Variants in WDFY4 observed in about 807,000 individuals in gnomAD.
WDFY4 encodes WDFY family member 4.
Under a neutral mutation model 351.9 loss-of-function variants are expected in WDFY4, and 169 were observed. The observed-to-expected ratio is 0.48, with a 90% CI of 0.42 to 0.55. The LOEUF is 0.55. Among genes scored for constraint, WDFY4 ranks in the 20% least tolerant of loss-of-function variants. The pLI is 0.00. For synonymous variants in WDFY4, 1,622 were observed against 1,574.6 expected (o/e 1.03, Z -0.71); for missense variants, 3,803 against 3,935.6 (o/e 0.97, Z 0.90).
intron 1 of WDFY4, among the ~76,000 whole-genome samples, chr10:48,704,718 C>T (rs2063576516): frequency 6.6e-6 from 1 of 152,180 alleles, no homozygotes; most frequent in Non-Finnish European, 1.5e-5. Flanking sequence ...GGGCTGTCCA[C>T]AGACCTGGGG....
Position 48,921,958 on chromosome 10 carries a change from C to T in WDFY4, c.7587-19848C>T, listed in dbSNP as rs1038969367. On this transcript the variant is annotated intron_variant, in intron 47 of 61. Coordinates refer to ENST00000325239, the MANE Select transcript of WDFY4 (RefSeq NM_001394531.1). ...GTTATTATATCATCTGGCATTTTCC[C>T]AACTAAGTATTTACCCTAGAAAAGT... Among the ~76,000 whole-genome samples the T allele has an allele frequency of 3.3e-5, 5 of 152,132 alleles. No individual in the cohort carries two copies. The South Asian group carries it at 8.3e-4, about 25-fold the overall frequency.
chr10:48,720,048 G>A lies in WDFY4; in HGVS notation c.272G>A (p.Ser91Asn), dbSNP rs762028566. The A allele has an allele frequency of 1.7e-5, 26 of 1,551,644 alleles. No individual in the cohort carries two copies. The South Asian group carries it at 2.6e-4, about 16-fold the overall frequency. Reference sequence around the variant, plus strand: ...TCCGTGGGGATCATCTGCTTTCCCAGTCTCCAAAGGCTGGCTGAAGACGTG... The same window carrying A: ...TCCGTGGGGATCATCTGCTTTCCCAATCTCCAAAGGCTGGCTGAAGACGTG... The part of the protein sequence containing the change: ...EHSVGIICFP[S>N]LQRLAEDVSD... Residue 91 changes from serine to asparagine, a missense_variant, in exon 3 of 62, where the codon AGT becomes AAT. By Grantham distance (46) the Ser-to-Asn change is conservative. Coordinates refer to ENST00000325239, the MANE Select transcript of WDFY4 (RefSeq NM_001394531.1).
At chr10:48,845,575 C>A (rs1283879132) in intron 39 of WDFY4, among the ~76,000 whole-genome samples, 1 of 152,114 alleles carries the variant, frequency 6.6e-6, no homozygotes, top group African/African-American at 2.4e-5. Flanking sequence ...TGAGGAAGAG[C>A]CCCCTCCAGA....
chr10:48,969,384 C>A (rs1017268393), intron 56 of WDFY4, 136 bp downstream of exon 56: 3 of 1,105,126 alleles, frequency 2.7e-6, no homozygotes, highest in African/African-American at 1.6e-5. Context: ...CCAGCCTGGG[C>A]GGGAAAGGAC....
At chr10:48,733,180 C>T (rs1189522538) in intron 9 of WDFY4, among the ~76,000 whole-genome samples, 1 of 152,162 alleles carries the variant, frequency 6.6e-6, no homozygotes, top group Non-Finnish European at 1.5e-5. Flanking sequence ...ATGACCACTC[C>T]TAGGAGAAAT....
intron 15 of WDFY4, 63 bp from the exon 16 acceptor site, chr10:48,776,687 G>T: frequency 7.1e-7 from 1 of 1,405,240 alleles, no homozygotes; most frequent in Non-Finnish European, 9.4e-7. Context: ...TGGGGTTATT[G>T]TCAGAAGCGA....
intron 23 of WDFY4, among the ~76,000 whole-genome samples, chr10:48,795,595 G>A (rs1418296759): frequency 8.7e-5 from 13 of 149,556 alleles, no homozygotes; most frequent in Admixed American, 7.3e-4. Flanking sequence ...CAAGGCTTCC[G>A]AAGGGCACGT....
At chr10:48,928,536 C>A (rs1332574044) in intron 47 of WDFY4, among the ~76,000 whole-genome samples, 2 of 152,178 alleles carry the variant, frequency 1.3e-5, no homozygotes, top group Non-Finnish European at 2.9e-5. Flanking sequence ...ACCGTGACCC[C>A]TGCCTCCCTG....
Position 48,789,944 on chromosome 10 carries a change from G to T in WDFY4, c.4025G>T (p.Gly1342Val). 2 of 1,552,382 alleles carry T rather than the reference G, an allele frequency of 1.3e-6. No individual in the cohort carries two copies. Among genetic ancestry groups the T allele is most frequent in the Non-Finnish European group, 1.7e-6 (2 of 1,147,148 alleles). The change falls in exon 22 of 62, where the codon GGG (glycine) becomes GTG (valine). Residue 1342 changes from glycine to valine, a missense_variant. Physicochemically the swap from Gly to Val is moderately radical, Grantham distance 109. This residue lies in a region of WDFY4 where 3,054 missense variants were observed against 3,148.6 expected (regional missense o/e 0.97). Transcript: ENST00000325239. ...AGGAATTGTGCTGGCCACCTGTCAGGGTCTCTGCGGACCATTGGAGCTGTT... is the reference window on the plus strand; with the variant it reads ...AGGAATTGTGCTGGCCACCTGTCAGTGTCTCTGCGGACCATTGGAGCTGTT... Reference protein sequence around the residue: ...LLRNCAGHLSGSLRTIGAVAV... With the variant: ...LLRNCAGHLSVSLRTIGAVAV...
chr10:48,977,294 T>C (rs1464415377), intron 59 of WDFY4, among the ~76,000 whole-genome samples: 2 of 152,136 alleles, frequency 1.3e-5, no homozygotes, highest in Non-Finnish European at 2.9e-5. Flanking sequence ...TAAAAGGAGA[T>C]ATTTGCGTCA....
intron 49 of WDFY4, among the ~76,000 whole-genome samples, 184 bp from the exon 50 acceptor site, chr10:48,945,855 CT>C (rs1841016133): frequency 6.6e-6 from 1 of 152,178 alleles, no homozygotes. Context: ...TCATTTCTCC[CT>C]TTTTAAGTCT....
chr10:48,913,489 T>C (rs1838200654), intron 47 of WDFY4: 1 of 1,613,898 alleles, frequency 6.2e-7, no homozygotes, highest in Non-Finnish European at 8.5e-7. Context: ...TTCTTGATTC[T>C]ATTCAGGTTG....
chr10:48,863,849 G>A (rs1247940625), intron 39 of WDFY4, among the ~76,000 whole-genome samples: 1 of 152,150 alleles, frequency 6.6e-6, no homozygotes, highest in Non-Finnish European at 1.5e-5. Flanking sequence ...CATGGCAGAA[G>A]GTGGAGAGGA....
intron 38 of WDFY4, 131 bp from the exon 39 acceptor site, chr10:48,832,442 G>C: frequency 9.1e-7 from 1 of 1,096,992 alleles, no homozygotes; most frequent in Non-Finnish European, 1.2e-6. Flanking sequence ...TTGTAGCCTG[G>C]GTTGTTTCTC....
At chr10:48,702,349 T>G (rs762519993) in intron 1 of WDFY4, among the ~76,000 whole-genome samples, 3 of 152,164 alleles carry the variant, frequency 2.0e-5, no homozygotes, top group Non-Finnish European at 4.4e-5. Context: ...AACAGGACAT[T>G]TCTATCCCCC....
chr10:48,690,004 C>T (rs140907885), intron 1 of WDFY4, among the ~76,000 whole-genome samples: 113 of 152,320 alleles, frequency 7.4e-4, no homozygotes, highest in African/African-American at 2.6e-3. Flanking sequence ...TTGCATTAGA[C>T]CACACTACCA....
intron 52 of WDFY4, among the ~76,000 whole-genome samples, chr10:48,957,615 C>A (rs1402810945): frequency 6.6e-6 from 1 of 152,214 alleles, no homozygotes; most frequent in Non-Finnish European, 1.5e-5. Context: ...TGCCTCGAGA[C>A]CTTGGGCAAG....
intron 60 of WDFY4, 114 bp downstream of exon 60, chr10:48,978,507 G>A (rs1842673659): frequency 9.7e-7 from 1 of 1,034,724 alleles, no homozygotes; most frequent in Admixed American, 3.1e-5. Context: ...CCAGCCTAGG[G>A]AGGCCTAGGA....
At chr10:48,929,177 G>A (rs1235125974) in intron 47 of WDFY4, among the ~76,000 whole-genome samples, 2 of 152,060 alleles carry the variant, frequency 1.3e-5, no homozygotes, top group African/African-American at 2.4e-5. Flanking sequence ...GAAACATCAA[G>A]TGGAAAAGTC....
Sources: allele counts gnomAD v4.1 joint callset (sites outside exome capture counted in the v4.1 genomes callset), GRCh38; gene constraint gnomAD v4.1.1; regional missense constraint gnomAD v4.1.1; transcripts MANE v1.5; gene names NCBI Gene and HGNC (gene_info 2026-07-23, HGNC 2026-07-21).